LRRC4C: variants seen among roughly 807,000 people sequenced by gnomAD.
LRRC4C encodes leucine rich repeat containing 4C.
LRRC4C carries 5 observed loss-of-function variants against 33.6 expected under a neutral mutation model. The observed-to-expected ratio is 0.15, with a 90% CI of 0.08 to 0.31. The LOEUF (loss-of-function observed/expected upper bound fraction) is 0.31, where lower values mean the gene tolerates loss of function less well. Among genes scored for constraint, LRRC4C ranks in the 10% least tolerant of loss-of-function variants. The probability of loss-of-function intolerance (pLI) is 1.00; values close to 1 mark genes in which losing one functional copy is unlikely to be tolerated. For missense variants in LRRC4C, 560 were observed against 796.7 expected, an observed-to-expected ratio of 0.70 and a Z score of 3.58; for synonymous variants, 329 against 302.0, an observed-to-expected ratio of 1.09 and a Z score of -0.93.
chr11:41,228,459 C>T (rs186256080), intron 1 of LRRC4C, among the ~76,000 whole-genome samples: 10 of 152,252 alleles, frequency 6.6e-5, no homozygotes, highest in African/African-American at 1.7e-4. Flanking sequence ...GTCTCCATCA[C>T]GGCTGTGAGA....
chr11:40,914,196 A>T (rs528979780), intron 2 of LRRC4C, among the ~76,000 whole-genome samples: 1 of 152,206 alleles, frequency 6.6e-6, no homozygotes, highest in African/African-American at 2.4e-5. Flanking sequence ...AAGTCATTTT[A>T]TGAGGCCAGC....
chr11:40,284,721 T>G (rs1161222467), intron 4 of LRRC4C, among the ~76,000 whole-genome samples: 1 of 152,196 alleles, frequency 6.6e-6, no homozygotes, highest in Non-Finnish European at 1.5e-5. Context: ...AGGAGGGATG[T>G]TAAAGAGATA....
intron 1 of LRRC4C, among the ~76,000 whole-genome samples, chr11:41,273,171 G>T (rs769257712): frequency 1.3e-5 from 2 of 152,138 alleles, no homozygotes; most frequent in African/African-American, 2.4e-5. Flanking sequence ...TGGAGAAATT[G>T]AATCCCTTAT....
chr11:41,062,550 G>A (rs1054254941), intron 1 of LRRC4C, among the ~76,000 whole-genome samples: 1 of 152,022 alleles, frequency 6.6e-6, no homozygotes, highest in Non-Finnish European at 1.5e-5. Context: ...TTAAATCCAG[G>A]AAACAACTCT....
At chr11:40,279,116 A>C (rs1188844754) in intron 4 of LRRC4C, among the ~76,000 whole-genome samples, 3 of 152,190 alleles carry the variant, frequency 2.0e-5, no homozygotes, top group Admixed American at 6.6e-5. Flanking sequence ...GAACATCTGG[A>C]TCAAACTACA....
At position 41,279,580 on chromosome 11, in the gene LRRC4C, C is replaced by T. The variant is rs574404042; in HGVS notation, c.-496+179851G>A. ...ACTCTCCTGTTTAATTCCTTATCCCCTGTCCCAATCTACTTCCCTCACTCC... is the reference window on the plus strand; with the variant it reads ...ACTCTCCTGTTTAATTCCTTATCCCTTGTCCCAATCTACTTCCCTCACTCC... On this transcript the variant is annotated intron_variant, in intron 1 of 6. Transcript: ENST00000528697. 2.0e-5 allele frequency among the ~76,000 whole-genome samples: 3 copies of T among 152,266 alleles called. No homozygotes were observed. In the East Asian group the frequency reaches 5.8e-4, roughly 30 times the overall value.
Position 41,150,186 on chromosome 11 carries a change from T to A in LRRC4C, c.-495-216463A>T, listed in dbSNP as rs567261744. On this transcript the variant is annotated intron_variant, in intron 1 of 6. Transcript: ENST00000528697. Reference sequence around the variant, plus strand: ...TTTCTTACGACTCAACCAGGAAAAATTAATCACTGTTCTCTCTTCCATTCT... The same window carrying A: ...TTTCTTACGACTCAACCAGGAAAAAATAATCACTGTTCTCTCTTCCATTCT... Among the ~76,000 whole-genome samples the A allele has an allele frequency of 7.8e-4, 118 of 152,232 alleles. 3 individuals carry two copies. The South Asian group carries it at 0.023, about 30-fold the overall frequency.
intron 2 of LRRC4C, among the ~76,000 whole-genome samples, chr11:40,763,073 G>GTATACACACACATATATGTATATATATA (rs1949295985): frequency 5.6e-5 from 8 of 143,058 alleles, no homozygotes; most frequent in Admixed American, 2.1e-4. Flanking sequence ...GTATATATAT[G>GTATACACACACATATATGTATATATATA]TATACACACA....
At chr11:40,171,874 T>C (rs1466860633) in intron 5 of LRRC4C, among the ~76,000 whole-genome samples, 1 of 152,066 alleles carries the variant, frequency 6.6e-6, no homozygotes, top group Non-Finnish European at 1.5e-5. Context: ...CACATGATCA[T>C]TCCTCTTATG....
At chr11:41,315,687 C>A (rs917585293) in intron 1 of LRRC4C, among the ~76,000 whole-genome samples, 2 of 151,202 alleles carry the variant, frequency 1.3e-5, no homozygotes, top group Non-Finnish European at 2.9e-5. Context: ...CTCATAGAAA[C>A]TATAAGGGAA....
chr11:40,984,381 A>AAG (rs1218887967), intron 1 of LRRC4C, among the ~76,000 whole-genome samples: 1 of 84,982 alleles, frequency 1.2e-5, no homozygotes, highest in African/African-American at 4.0e-5. Context: ...GAAAGAAAGA[A>AAG]AGAAAGAAAG....
intron 2 of LRRC4C, among the ~76,000 whole-genome samples, chr11:40,856,165 G>C (rs1468128821): frequency 1.3e-5 from 2 of 152,028 alleles, no homozygotes; most frequent in Non-Finnish European, 2.9e-5. Context: ...AAAAAACTTT[G>C]GTTTAAAAGG....
At chr11:40,804,189 T>C (rs1951155714) in intron 2 of LRRC4C, among the ~76,000 whole-genome samples, 1 of 152,184 alleles carries the variant, frequency 6.6e-6, no homozygotes, top group Admixed American at 6.5e-5. Flanking sequence ...CCCTTGCTTA[T>C]AAATGGAGTC....
intron 1 of LRRC4C, among the ~76,000 whole-genome samples, chr11:41,236,918 G>C (rs953358604): frequency 7.9e-5 from 12 of 152,184 alleles, no homozygotes; most frequent in Non-Finnish European, 1.5e-5. Context: ...TGCAATATTA[G>C]CATTGTTGTA....
intron 2 of LRRC4C, among the ~76,000 whole-genome samples, chr11:40,844,421 T>C (rs1228178541): frequency 1.3e-5 from 2 of 152,180 alleles, no homozygotes; most frequent in African/African-American, 2.4e-5. Context: ...GCTAGGTATT[T>C]TTCCACATTC....
chr11:40,490,174 C>CTAA (rs1364086334), intron 3 of LRRC4C, among the ~76,000 whole-genome samples: 2 of 152,146 alleles, frequency 1.3e-5, no homozygotes, highest in African/African-American at 4.8e-5. Flanking sequence ...GTTTCTCCAT[C>CTAA]TAATATTCAG....
intron 4 of LRRC4C, among the ~76,000 whole-genome samples, chr11:40,297,513 C>T (rs1022162144): frequency 5.9e-5 from 9 of 152,018 alleles, no homozygotes; most frequent in Non-Finnish European, 1.0e-4. Context: ...AGATGATATC[C>T]TAATAATCCT....
At chr11:41,219,082 T>C (rs1947191212) in intron 1 of LRRC4C, among the ~76,000 whole-genome samples, 1 of 152,130 alleles carries the variant, frequency 6.6e-6, no homozygotes, top group African/African-American at 2.4e-5. Context: ...CATATGTCAC[T>C]TATTAAGTCA....
At chr11:40,394,707 A>G (rs528669563) in intron 3 of LRRC4C, among the ~76,000 whole-genome samples, 1 of 152,270 alleles carries the variant, frequency 6.6e-6, no homozygotes, top group Non-Finnish European at 1.5e-5. Flanking sequence ...CAGGTAAATA[A>G]TAGAAGAGGC....
Sources: allele counts gnomAD v4.1 joint callset (sites outside exome capture counted in the v4.1 genomes callset), GRCh38; gene constraint gnomAD v4.1.1; transcripts MANE v1.5; gene names NCBI Gene and HGNC (gene_info 2026-07-23, HGNC 2026-07-21).